TNFSF4: variants seen among roughly 807,000 people sequenced by gnomAD.
The protein encoded by TNFSF4 is TNF superfamily member 4, also known as tumor necrosis factor ligand superfamily member 4.
In TNFSF4, 4 loss-of-function variants were observed where a neutral mutation model predicts 7.3. The observed-to-expected ratio is 0.55, with a 90% CI of 0.27 to 1.25. The LOEUF is 1.25. Ranked by LOEUF, TNFSF4 falls within the 50% of genes most tolerant of loss-of-function variation. TNFSF4 has a pLI of 0.12. For synonymous variants in TNFSF4, 76 were observed against 83.7 expected, an observed-to-expected ratio of 0.91 and a Z score of 0.50; for missense variants, 181 against 208.8, an observed-to-expected ratio of 0.87 and a Z score of 0.82.
chr1:173,314,068 C>T, the TNFSF4 span, among the ~76,000 whole-genome samples: 1 of 151,860 alleles, frequency 6.6e-6, no homozygotes, highest in Non-Finnish European at 1.5e-5. Flanking sequence ...TTCTACATAT[C>T]CTACTGTCAT....
chr1:173,410,864 C>T, the TNFSF4 span, among the ~76,000 whole-genome samples: 4 of 152,228 alleles, frequency 2.6e-5, no homozygotes, highest in African/African-American at 9.6e-5. Context: ...AACTTTCCAG[C>T]ACTGACCACC....
At chr1:173,200,912 C>G (rs1445729452) in intron 1 of TNFSF4, among the ~76,000 whole-genome samples, 1 of 152,162 alleles carries the variant, frequency 6.6e-6, no homozygotes, top group Non-Finnish European at 1.5e-5. Flanking sequence ...AGCATGTGTT[C>G]TTAAATAGCA....
At chr1:173,218,344 G>A in the TNFSF4 span, among the ~76,000 whole-genome samples, 1 of 151,990 alleles carries the variant, frequency 6.6e-6, no homozygotes, top group Non-Finnish European at 1.5e-5. Context: ...ATGTGCTGTG[G>A]GTTAGGTCCC....
the TNFSF4 span, among the ~76,000 whole-genome samples, chr1:173,305,938 G>A: frequency 1.3e-5 from 2 of 151,858 alleles, no homozygotes; most frequent in Admixed American, 1.3e-4. Context: ...TTAGATTTGG[G>A]TGGGGCCAGA....
chr1:173,278,982 G>A, the TNFSF4 span, among the ~76,000 whole-genome samples: 3 of 152,090 alleles, frequency 2.0e-5, no homozygotes, highest in African/African-American at 4.8e-5. Flanking sequence ...CTTTTACTAG[G>A]CCACAAGAAA....
At chr1:173,411,637 T>C in the TNFSF4 span, among the ~76,000 whole-genome samples, 2 of 151,442 alleles carry the variant, frequency 1.3e-5, no homozygotes, top group African/African-American at 4.9e-5. Flanking sequence ...CCATCTCTAC[T>C]AAAAATACAA....
chr1:173,183,400 T>C (rs1383110892), downstream of TNFSF4, among the ~76,000 whole-genome samples: 2 of 152,296 alleles, frequency 1.3e-5, no homozygotes, highest in Middle Eastern at 3.4e-3. Context: ...AGACAGCAGA[T>C]GTAATTACCA....
At chr1:173,374,133 C>T in the TNFSF4 span, among the ~76,000 whole-genome samples, 1 of 152,200 alleles carries the variant, frequency 6.6e-6, no homozygotes, top group Non-Finnish European at 1.5e-5. Context: ...CAACATGGGG[C>T]TCAGTCAATA....
the TNFSF4 span, among the ~76,000 whole-genome samples, chr1:173,433,682 A>G: frequency 6.6e-6 from 1 of 152,160 alleles, no homozygotes; most frequent in East Asian, 1.9e-4. Context: ...CAGCCTGGGC[A>G]ACAAAGTGAG....
At chr1:173,295,882 T>A in the TNFSF4 span, among the ~76,000 whole-genome samples, 1 of 152,038 alleles carries the variant, frequency 6.6e-6, no homozygotes, top group Non-Finnish European at 1.5e-5. Context: ...GCAGAATTTG[T>A]ATGGCTCTGA....
chr1:173,336,063 G>C, the TNFSF4 span, among the ~76,000 whole-genome samples: 3 of 152,148 alleles, frequency 2.0e-5, no homozygotes, highest in Non-Finnish European at 4.4e-5. Context: ...TATTTTCCCA[G>C]TTCTAGAATG....
the TNFSF4 span, among the ~76,000 whole-genome samples, chr1:173,216,234 T>C: frequency 6.6e-6 from 1 of 152,124 alleles, no homozygotes; most frequent in Admixed American, 6.5e-5. Flanking sequence ...TACATGGGCA[T>C]CTACCCTCAT....
the TNFSF4 span, among the ~76,000 whole-genome samples, chr1:173,266,122 T>C: frequency 6.6e-6 from 1 of 151,946 alleles, no homozygotes; most frequent in African/African-American, 2.4e-5. Context: ...GTAAGAAGGA[T>C]GGAGAGATAA....
chr1:173,186,658 G>A lies in TNFSF4; in HGVS notation c.410C>T (p.Ser137Phe), dbSNP rs1224252257. Residue 137 changes from serine (S) to phenylalanine (F), a missense_variant, in exon 3 of 3, where the codon TCC becomes TTC. Physicochemically the swap from Ser to Phe is radical, Grantham distance 155 (BLOSUM62 -2). Coordinates refer to ENST00000281834, the MANE Select transcript of TNFSF4 (RefSeq NM_003326.5). ...FQLKKVRSVNSLMVASLTYKD... is the reference protein window; with the variant it reads ...FQLKKVRSVNFLMVASLTYKD... ...GTAAGTCAGAGAGGCCACCATCAAG[G>A]AGTTGACAGACCTGACCTTCTTCAG... The A allele has an allele frequency of 6.8e-6, 11 of 1,614,194 alleles. No homozygotes were observed. Among genetic ancestry groups the A allele is most frequent in the Admixed American group, 3.3e-5 (2 of 60,016 alleles).
rs752074930 is a variant in TNFSF4, at chr1:173,188,536, T to C, written c.187A>G (p.Lys63Glu). Residue 63 changes from lysine to glutamate, a missense_variant, in exon 2 of 3, where the codon AAA becomes GAA. Transcript: ENST00000281834. Reference sequence around the variant, plus strand: ...CAATACTTACCGGTAAATTGTACTTTGATACTTTGAATTCGAGGATACCGA... The same window carrying C: ...CAATACTTACCGGTAAATTGTACTTCGATACTTTGAATTCGAGGATACCGA... ...SHRYPRIQSIKVQFTEYKKEK... is the reference protein window; with the variant it reads ...SHRYPRIQSIEVQFTEYKKEK... 1.3e-5 allele frequency: 21 copies of C among 1,612,156 alleles called. No homozygotes were observed. Among genetic ancestry groups the C allele is most frequent in the Non-Finnish European group, 1.8e-5 (21 of 1,178,472 alleles).
At chr1:173,179,393 A>G (rs576580285), downstream of TNFSF4, among the ~76,000 whole-genome samples, 6 of 152,164 alleles carry the variant, frequency 3.9e-5, no homozygotes, top group Non-Finnish European at 7.3e-5. Context: ...TCTCATGCGA[A>G]CTTTGCCTTG....
At chr1:173,243,534 T>C in the TNFSF4 span, among the ~76,000 whole-genome samples, 924 of 152,324 alleles carry the variant, frequency 6.1e-3, 11 homozygotes, top group Middle Eastern at 0.037. Context: ...AGTGGATACA[T>C]GAACCTGTTG....
the TNFSF4 span, among the ~76,000 whole-genome samples, chr1:173,358,172 G>A: frequency 6.6e-6 from 1 of 152,190 alleles, no homozygotes; most frequent in Non-Finnish European, 1.5e-5. Flanking sequence ...ATGATGTAGG[G>A]TCAGGAACCA....
the TNFSF4 span, among the ~76,000 whole-genome samples, chr1:173,250,490 C>G: frequency 6.8e-6 from 1 of 147,736 alleles, no homozygotes; most frequent in Non-Finnish European, 1.5e-5. Flanking sequence ...GACGGAGTCT[C>G]GCTCTGTCAC....
Sources: gnomAD v4.1 joint callset for allele counts (sites outside exome capture counted in the v4.1 genomes callset) on GRCh38, gnomAD v4.1.1 for gene constraint, MANE v1.5 for transcripts, NCBI Gene and HGNC (gene_info 2026-07-23, HGNC 2026-07-21) for gene names.